TDG: variants seen among roughly 807,000 people sequenced by gnomAD.
TDG encodes G/T mismatch-specific thymine DNA glycosylase.
TDG carries 23 observed loss-of-function variants against 46.1 expected under a neutral mutation model. The observed-to-expected ratio is 0.50, with a 90% CI of 0.36 to 0.71. The LOEUF (loss-of-function observed/expected upper bound fraction) is 0.71, where lower values mean the gene tolerates loss of function less well. Among genes scored for constraint, TDG ranks in the 30% least tolerant of loss-of-function variants. The pLI, the probability that TDG is intolerant of heterozygous loss-of-function variation, is 0.00. For missense variants in TDG, 304 were observed against 486.7 expected (o/e 0.62, Z 3.53); for synonymous variants, 115 against 161.3 (o/e 0.71, Z 2.18).
chr12:103,969,145 G>A (rs1485588920), intron 1 of TDG, among the ~76,000 whole-genome samples: 2 of 152,206 alleles, frequency 1.3e-5, no homozygotes, highest in African/African-American at 4.8e-5. Context: ...TGTTTTGGAT[G>A]TTTTACATAG....
rs1871946027 is a variant in TDG, at chr12:103,983,165, T to G, written c.644T>G (p.Leu215Arg). 1 of 1,607,882 alleles carries G rather than the reference T, an allele frequency of 6.2e-7. No individual in the cohort carries two copies. The highest frequency in any genetic ancestry group is 8.5e-7 in the Non-Finnish European group (1 of 1,178,128). ...GAATTTCGTGAAGGAGGACGTATTC[T>G]AGTACAGAAATTACAGAAATATCAG... ...SKEFREGGRILVQKLQKYQPR... is the reference protein window; with the variant it reads ...SKEFREGGRIRVQKLQKYQPR... Residue 215 changes from leucine (L) to arginine (R), a missense_variant, in exon 6 of 10, where the codon CTA becomes CGA. By Grantham distance (102) the Leu-to-Arg change is moderately radical (BLOSUM62 -2). Coordinates refer to ENST00000392872, the MANE Select transcript of TDG (RefSeq NM_003211.6).
intron 1 of TDG, among the ~76,000 whole-genome samples, chr12:103,972,068 T>G (rs1871308438): frequency 6.6e-6 from 1 of 152,212 alleles, no homozygotes; most frequent in African/African-American, 2.4e-5. Context: ...GAAACAGGTT[T>G]ATGCTGCTTA....
Position 103,984,847 on chromosome 12 carries a change from TC to T in TDG, c.892del (p.Gln298SerfsTer2), listed in dbSNP as rs775505336. 1 of 1,613,608 alleles carries T rather than the reference TC, an allele frequency of 6.2e-7. No homozygotes were observed. Among genetic ancestry groups the T allele is most frequent in the East Asian group, 2.2e-5 (1 of 44,876 alleles). On this transcript the variant is annotated frameshift_variant, in exon 8 of 10. Coordinates refer to ENST00000392872, the MANE Select transcript of TDG (RefSeq NM_003211.6). LOFTEE classifies it high-confidence loss of function. ...ACATAAAACTGAAGGACTTAAGAGATCAGTTGAAAGGCATTGAACGAAATAT... is the reference window on the plus strand; with the variant it reads ...ACATAAAACTGAAGGACTTAAGAGATAGTTGAAAGGCATTGAACGAAATAT... ...YYIKLKDLRD[Q>X]LKGIERNMDV...
intron 1 of TDG, among the ~76,000 whole-genome samples, chr12:103,973,413 T>C (rs945563038): frequency 6.6e-6 from 1 of 152,160 alleles, no homozygotes; most frequent in African/African-American, 2.4e-5. Context: ...TGCTCGCTCA[T>C]TTATTGTCAC....
At chr12:103,984,440 C>G (rs1872006663) in intron 7 of TDG, among the ~76,000 whole-genome samples, 1 of 152,038 alleles carries the variant, frequency 6.6e-6, no homozygotes. Context: ...CTAAAAAATA[C>G]AAAAATTAGC....
Position 103,976,969 on chromosome 12 carries a change from G to A in TDG, c.75G>A (p.Leu25=), listed in dbSNP as rs973497932. ...TTTATACGTTTCCATTTCAACAACT[G>A]ATGGCTGAAGCTCCTAATATGGCAG... is the stretch of plus-strand genomic sequence containing the variant. ...QAFYTFPFQQ[L]MAEAPNMAVV... is the part of the protein sequence containing the mutation. Residue 25 remains leucine, a synonymous_variant, in exon 2 of 10, where the codon CTG becomes CTA. Coordinates refer to ENST00000392872, the MANE Select transcript of TDG (RefSeq NM_003211.6). The A allele has an allele frequency of 2.5e-6, 4 of 1,613,906 alleles. No homozygotes were observed. Among genetic ancestry groups the A allele is most frequent in the East Asian group, 4.5e-5 (2 of 44,882 alleles).
rs1425763250 is a variant in TDG, at chr12:103,966,044, G to C, written c.7G>C (p.Ala3Pro). 3.1e-6 allele frequency: 5 copies of C among 1,595,478 alleles called. No homozygotes were observed. Among genetic ancestry groups the C allele is most frequent in the East Asian group, 4.6e-5 (2 of 43,616 alleles). ME[A>P]ENAGSYSLQQ... ...GCATCAGCGGCCTCGGGGAATGGAA[G>C]CGGAGAACGCGGGCAGGTAATACCG... The change falls in exon 1 of 10, where the codon GCG becomes CCG. Residue 3 changes from alanine to proline, a missense_variant. By Grantham distance (27) the Ala-to-Pro change is conservative (BLOSUM62 -1). Transcript: ENST00000392872.
rs1188949040 is a variant in TDG, at chr12:103,987,397, C to T, written c.*307C>T. 1 of 314,550 alleles carries T rather than the reference C, an allele frequency of 3.2e-6. No homozygotes were observed. Among genetic ancestry groups the T allele is most frequent in the Non-Finnish European group, 6.1e-6 (1 of 163,788 alleles). 19.5% of individuals were successfully genotyped at this position (314,550 alleles called of 1,614,324 possible). A position where few individuals can be genotyped will look rare whatever the true frequency, so the allele number is the denominator to read the frequency against. The stretch of plus-strand genomic sequence containing the variant: ...ACTTTTAATCTGTAATTTTAAAATA[C>T]AAGTCTGAATATTTATAGTTGATTC... On this transcript the variant is annotated 3_prime_UTR_variant, in exon 10 of 10. Coordinates refer to ENST00000392872, the MANE Select transcript of TDG (RefSeq NM_003211.6).
chr12:103,970,197 G>C (rs1260381639), intron 1 of TDG, among the ~76,000 whole-genome samples: 1 of 152,154 alleles, frequency 6.6e-6, no homozygotes, highest in Non-Finnish European at 1.5e-5. Flanking sequence ...AGCAACTTAG[G>C]CTGGGTGCAG....
At position 103,982,867 on chromosome 12, in the gene TDG, G is replaced by A. The variant is rs767987940; in HGVS notation, c.547G>A (p.Gly183Arg). The change falls in exon 5 of 10, where the codon GGG becomes AGG. Residue 183 changes from glycine to arginine, a missense_variant. By Grantham distance (125) the Gly-to-Arg change is moderately radical. Transcript: ENST00000392872. Reference protein sequence around the residue: ...LNHMDDHTLPGKYGIGFTNMV... With the variant: ...LNHMDDHTLPRKYGIGFTNMV... ...CCATATGGATGATCACACTCTACCA[G>A]GGAAGTATGGTATTGGATTTACCAA... 7 of 1,614,100 alleles carry A rather than the reference G, an allele frequency of 4.3e-6. No individual in the cohort carries two copies. In the East Asian group the frequency reaches 1.6e-4, roughly 36 times the overall value.
chr12:103,983,113 A>G (rs750089745), intron 5 of TDG, 23 bp from the exon 6 acceptor site: 3 of 1,560,324 alleles, frequency 1.9e-6, no homozygotes, highest in Non-Finnish European at 2.6e-6. Context: ...TATATTTTTG[A>G]CTACTTTTTA....
rs776578407 is a variant in TDG, at chr12:103,984,936, C to T, written c.964+16C>T. 25 of 1,417,992 alleles carry T rather than the reference C, an allele frequency of 1.8e-5. No homozygotes were observed. Among genetic ancestry groups the T allele is most frequent in the Middle Eastern group, 4.0e-4 (2 of 5,058 alleles). The allele number at this position is 1,417,992 out of a possible 1,614,324, so 87.8% of individuals were successfully genotyped here. A position where few individuals can be genotyped will look rare whatever the true frequency, so the allele number is the denominator to read the frequency against. ...CTTGCCCAAGGTATGTTACTGTCCT[C>T]ATTCCTTTTATTCATTTTGTGTGTG... is the stretch of plus-strand genomic sequence containing the variant. On this transcript the variant is annotated intron_variant, in intron 8 of 9. Transcript: ENST00000392872.
At position 103,980,931 on chromosome 12, in the gene TDG, G is replaced by A. The variant is rs761826817; in HGVS notation, c.447G>A (p.Gly149=). The A allele has an allele frequency of 3.1e-6, 5 of 1,613,564 alleles. No homozygotes were observed. Among genetic ancestry groups the A allele is most frequent in the Non-Finnish European group, 4.2e-6 (5 of 1,179,952 alleles). ...CGGGACTAATGGCTGCTTACAAAGG[G>A]CATCATTACCCTGGACCTGGAAACC... ...INPGLMAAYK[G]HHYPGPGNHF... The change falls in exon 4 of 10, where the codon GGG becomes GGA. Residue 149 remains glycine, a synonymous_variant. Transcript: ENST00000392872.
intron 8 of TDG, 78 bp from the exon 9 acceptor site, chr12:103,985,525 G>T: frequency 1.4e-6 from 2 of 1,468,512 alleles, no homozygotes; most frequent in East Asian, 4.7e-5. Flanking sequence ...AAAAAGAATT[G>T]TTCATGATTT....
At chr12:103,970,621 C>T (rs1871246311) in intron 1 of TDG, among the ~76,000 whole-genome samples, 1 of 151,998 alleles carries the variant, frequency 6.6e-6, no homozygotes, top group Non-Finnish European at 1.5e-5. Context: ...GTGGTGTGTG[C>T]CTGTAGTCCT....
chr12:103,987,862 A>G lies in TDG; in HGVS notation c.*772A>G. On this transcript the variant is annotated 3_prime_UTR_variant, in exon 10 of 10. Transcript: ENST00000392872. The stretch of plus-strand genomic sequence containing the variant: ...CTCCATTCATATTTATAACCATTCT[A>G]GTTTTATCTTCCTTGGCTTTAAGAG... The G allele has an allele frequency of 6.6e-6, 1 of 152,662 alleles. No individual in the cohort carries two copies. The highest frequency in any genetic ancestry group is 1.5e-5 in the Non-Finnish European group (1 of 68,026). 9.5% of individuals were successfully genotyped at this position (152,662 alleles called of 1,614,324 possible). A position where few individuals can be genotyped will look rare whatever the true frequency, so the allele number is the denominator to read the frequency against.
intron 4 of TDG, among the ~76,000 whole-genome samples, chr12:103,981,304 C>T (rs183561693): frequency 0.01 from 1,401 of 137,630 alleles, 16 homozygotes; most frequent in Non-Finnish European, 0.015. Context: ...GGCGCGATCT[C>T]GGCTCACCAC....
intron 1 of TDG, chr12:103,968,095 G>T (rs1871136494): frequency 6.6e-6 from 1 of 152,174 alleles, no homozygotes; most frequent in East Asian, 1.9e-4. Flanking sequence ...AAAGTGCTGG[G>T]ATTACAAGCA....
chr12:103,967,452 T>C (rs1157793314), intron 1 of TDG, among the ~76,000 whole-genome samples: 1 of 136,822 alleles, frequency 7.3e-6, no homozygotes, highest in Admixed American at 8.1e-5. Flanking sequence ...AAAAAATAAA[T>C]TTACTTTTTT....
Sources: gnomAD v4.1 joint callset for allele counts (sites outside exome capture counted in the v4.1 genomes callset) on GRCh38, gnomAD v4.1.1 for gene constraint, MANE v1.5 for transcripts, NCBI Gene and HGNC (gene_info 2026-07-23, HGNC 2026-07-21) for gene names.